Variants in TACC2 observed in about 807,000 individuals in gnomAD.
TACC2 encodes the protein transforming acidic coiled-coil-containing protein 2.
A neutral mutation model predicts 227.3 loss-of-function variants in TACC2; 137 were observed. The ratio of observed to expected loss-of-function variants is 0.60; its 90% CI spans 0.52 to 0.69. The LOEUF (loss-of-function observed/expected upper bound fraction) is 0.69, where lower values mean the gene tolerates loss of function less well. Among genes scored for constraint, TACC2 ranks in the 30% least tolerant of loss-of-function variants. The pLI is 0.00. For missense variants in TACC2, 3,470 were observed against 3,694.4 expected (o/e 0.94, Z 1.57); for synonymous variants, 1,523 against 1,487.5 (o/e 1.02, Z -0.55).
At chr10:122,186,803 G>A (rs997731167) in intron 7 of TACC2, among the ~76,000 whole-genome samples, 3 of 152,302 alleles carry the variant, frequency 2.0e-5, no homozygotes, top group South Asian at 2.1e-4. Flanking sequence ...ATGTGACACC[G>A]CCCCCGGCCA....
intron 3 of TACC2, among the ~76,000 whole-genome samples, chr10:122,071,101 A>T (rs920616960): frequency 6.6e-6 from 1 of 152,224 alleles, no homozygotes; most frequent in African/African-American, 2.4e-5. Flanking sequence ...AGAAATGTTT[A>T]TACTCAGGTA....
rs558983630 is a variant in TACC2, at chr10:122,058,026, A to G, written c.146+7476A>G. On this transcript the variant is annotated intron_variant, in intron 3 of 22. Transcript: ENST00000369005. ...CCTTCCCTTTTGTGGTTTCCACACAACAACTGACCAGCATTCCTTCCACAC... is the reference window on the plus strand; with the variant it reads ...CCTTCCCTTTTGTGGTTTCCACACAGCAACTGACCAGCATTCCTTCCACAC... Among the ~76,000 whole-genome samples the G allele has an allele frequency of 9.8e-5, 15 of 152,290 alleles. No homozygotes were observed. The East Asian group carries it at 2.1e-3, about 22-fold the overall frequency.
intron 7 of TACC2, among the ~76,000 whole-genome samples, chr10:122,154,578 A>G (rs2092337061): frequency 6.6e-6 from 1 of 152,244 alleles, no homozygotes; most frequent in East Asian, 1.9e-4. Flanking sequence ...GAATTTGGTC[A>G]GTCTGTTGTC....
At chr10:122,120,824 G>A (rs184290277) in intron 5 of TACC2, among the ~76,000 whole-genome samples, 39 of 151,916 alleles carry the variant, frequency 2.6e-4, no homozygotes, top group African/African-American at 9.4e-4. Context: ...GCAGTGGCGC[G>A]ATCTCAGCTC....
chr10:121,994,072 G>T (rs975689423), intron 1 of TACC2, among the ~76,000 whole-genome samples: 1 of 152,090 alleles, frequency 6.6e-6, no homozygotes, highest in Admixed American at 6.5e-5. Flanking sequence ...CAGCCGCTTC[G>T]TTTCCCATTG....
At chr10:122,069,746 G>C (rs909113156) in intron 3 of TACC2, among the ~76,000 whole-genome samples, 1 of 152,176 alleles carries the variant, frequency 6.6e-6, no homozygotes, top group Non-Finnish European at 1.5e-5. Context: ...AAAACACCTG[G>C]CATTTATTTT....
chr10:122,211,749 G>A, intron 9 of TACC2, 41 bp downstream of exon 9: 3 of 1,498,462 alleles, frequency 2.0e-6, no homozygotes, highest in Non-Finnish European at 1.8e-6. Context: ...AGAGGCGGGG[G>A]TGCGCATTGG....
intron 2 of TACC2, chr10:122,022,514 C>T (rs41287998): frequency 0.15 from 23,337 of 153,230 alleles, 1,888 homozygotes; most frequent in East Asian, 0.25. Flanking sequence ...CTCCCCAAAG[C>T]GCTGGGATTA....
intron 3 of TACC2, among the ~76,000 whole-genome samples, chr10:122,076,974 G>A (rs906240218): frequency 1.3e-5 from 2 of 151,978 alleles, no homozygotes; most frequent in African/African-American, 4.8e-5. Context: ...AATTAGCTGG[G>A]CATGGTGGCA....
intron 16 of TACC2, 23 bp downstream of exon 16, chr10:122,230,463 G>A (rs1427552799): frequency 2.3e-5 from 37 of 1,604,612 alleles, no homozygotes; most frequent in South Asian, 4.4e-5. Context: ...TGCTGCGTGC[G>A]CCACCTCCTG....
chr10:122,135,619 C>T (rs1292458893), intron 6 of TACC2, among the ~76,000 whole-genome samples: 2 of 152,188 alleles, frequency 1.3e-5, no homozygotes, highest in Admixed American at 6.5e-5. Flanking sequence ...ATTGGTCTGA[C>T]TTTGGTCACC....
At chr10:122,162,755 C>A (rs2092899513) in intron 7 of TACC2, among the ~76,000 whole-genome samples, 1 of 152,140 alleles carries the variant, frequency 6.6e-6, no homozygotes, top group Non-Finnish European at 1.5e-5. Flanking sequence ...GCACTGGGAG[C>A]TTGGTGATGG....
At chr10:122,088,285 T>C (rs531130965) in intron 4 of TACC2, among the ~76,000 whole-genome samples, 193 bp from the exon 5 acceptor site, 1 of 152,134 alleles carries the variant, frequency 6.6e-6, no homozygotes, top group Non-Finnish European at 1.5e-5. Context: ...AGTCATATAT[T>C]TTTCTGGAGT....
intron 6 of TACC2, among the ~76,000 whole-genome samples, chr10:122,143,015 T>C (rs1221348156): frequency 6.6e-6 from 1 of 152,170 alleles, no homozygotes; most frequent in Non-Finnish European, 1.5e-5. Flanking sequence ...ACTCGTTCCC[T>C]ACTCGAGGGC....
rs566457431 is a variant in TACC2, at chr10:122,124,947, AAAC to A, written c.5574-7658_5574-7656del. Among the ~76,000 whole-genome samples the A allele has an allele frequency of 7.5e-3, 1,143 of 151,852 alleles. 11 individuals are homozygous for A. Among genetic ancestry groups the A allele is most frequent in the African/African-American group, 0.027 (1,112 of 41,298 alleles). Reference sequence around the variant, plus strand: ...AAGTCGCCACCCTCCAGCAAAACAAAAACAACCCCCGCCCCCTCCCAGCCCCCC... The same window carrying A: ...AAGTCGCCACCCTCCAGCAAAACAAAAACCCCCGCCCCCTCCCAGCCCCCC... On this transcript the variant is annotated intron_variant, in intron 5 of 22. Transcript: ENST00000369005.
intron 5 of TACC2, among the ~76,000 whole-genome samples, chr10:122,099,009 G>A (rs2081826568): frequency 6.6e-6 from 1 of 152,212 alleles, no homozygotes; most frequent in Admixed American, 6.5e-5. Context: ...CAGAGAGGCT[G>A]CAAGCTAACA....
intron 7 of TACC2, among the ~76,000 whole-genome samples, chr10:122,190,367 G>C (rs1176837581): frequency 2.0e-5 from 3 of 152,176 alleles, no homozygotes; most frequent in African/African-American, 7.2e-5. Context: ...ATTCAGCATT[G>C]TGTGGAGCAG....
intron 12 of TACC2, 140 bp downstream of exon 12, chr10:122,224,927 G>C (rs2281671): frequency 1.4e-6 from 1 of 695,892 alleles, no homozygotes; most frequent in Non-Finnish European, 2.5e-6. Context: ...GTGCACAGCA[G>C]TGATGGACTG....
intron 1 of TACC2, among the ~76,000 whole-genome samples, chr10:122,021,262 T>C (rs982664994): frequency 2.0e-4 from 31 of 151,322 alleles, no homozygotes; most frequent in African/African-American, 7.1e-4. Flanking sequence ...GAAAGATCAT[T>C]AATAAACCAT....
Sources: gnomAD v4.1 joint callset for allele counts (sites outside exome capture counted in the v4.1 genomes callset) on GRCh38, gnomAD v4.1.1 for gene constraint, MANE v1.5 for transcripts, NCBI Gene and HGNC (gene_info 2026-07-23, HGNC 2026-07-21) for gene names.